PAG1: variants seen among roughly 807,000 people sequenced by gnomAD.
PAG1 encodes phosphoprotein associated with glycosphingolipid-enriched microdomains 1.
A neutral mutation model predicts 31.7 loss-of-function variants in PAG1; 23 were observed. That is an observed-to-expected ratio of 0.73 (90% confidence interval 0.52 to 1.03). The LOEUF is 1.03. Among genes scored for constraint, PAG1 ranks in the 50% least tolerant of loss-of-function variants. The pLI, the probability that PAG1 is intolerant of heterozygous loss-of-function variation, is 0.00. For synonymous variants in PAG1, 214 were observed against 210.3 expected (o/e 1.02, Z -0.15); for missense variants, 473 against 540.7 (o/e 0.87, Z 1.24).
chr8:81,041,194 C>T (rs1808548847), intron 2 of PAG1, among the ~76,000 whole-genome samples: 1 of 152,006 alleles, frequency 6.6e-6, no homozygotes, highest in Admixed American at 6.6e-5. Flanking sequence ...TGTGGAATCA[C>T]ATTTTTTTTT....
At chr8:80,998,077 T>G (rs966432623) in intron 3 of PAG1, among the ~76,000 whole-genome samples, 6 of 151,906 alleles carry the variant, frequency 3.9e-5, no homozygotes, top group Admixed American at 6.6e-5. Context: ...AATGCATAAG[T>G]GATTTAATCA....
At chr8:81,107,366 A>G (rs1809709133) in intron 1 of PAG1, among the ~76,000 whole-genome samples, 2 of 152,170 alleles carry the variant, frequency 1.3e-5, no homozygotes, top group African/African-American at 4.8e-5. Context: ...AGCATAATAT[A>G]GTCCATCTAT....
chr8:81,067,556 G>C (rs1809027790), intron 2 of PAG1: 1 of 152,212 alleles, frequency 6.6e-6, no homozygotes, highest in South Asian at 2.1e-4. Flanking sequence ...AAAAAATAAA[G>C]CTAACAGCTT....
At chr8:81,011,320 C>T (rs1270483942) in intron 3 of PAG1, among the ~76,000 whole-genome samples, 1 of 152,074 alleles carries the variant, frequency 6.6e-6, no homozygotes, top group Non-Finnish European at 1.5e-5. Context: ...GAGTGGTTTC[C>T]CCCATACTGT....
At chr8:81,001,810 C>T (rs1274547586) in intron 3 of PAG1, among the ~76,000 whole-genome samples, 4 of 152,174 alleles carry the variant, frequency 2.6e-5, no homozygotes. Context: ...CCCAGCACTT[C>T]CTCTTCTAAC....
intron 3 of PAG1, among the ~76,000 whole-genome samples, chr8:81,026,205 T>A (rs1444357266): frequency 1.3e-5 from 2 of 151,690 alleles, no homozygotes; most frequent in Non-Finnish European, 1.5e-5. Flanking sequence ...GTTTGTTAAA[T>A]AAAATAGTAT....
chr8:80,994,195 C>T (rs557845547), intron 3 of PAG1, among the ~76,000 whole-genome samples: 2 of 151,558 alleles, frequency 1.3e-5, no homozygotes, highest in African/African-American at 2.4e-5. Context: ...GTCAATGTAA[C>T]TAATGAAATA....
At chr8:81,017,107 A>C (rs1182674461) in intron 3 of PAG1, among the ~76,000 whole-genome samples, 1 of 152,210 alleles carries the variant, frequency 6.6e-6, no homozygotes, top group Non-Finnish European at 1.5e-5. Flanking sequence ...CAATCACAGA[A>C]TCAAGAGCTA....
Position 80,971,667 on chromosome 8 carries a change from G to A in PAG1, c.*4877C>T, listed in dbSNP as rs1807080427. On this transcript the variant is annotated 3_prime_UTR_variant, in exon 9 of 9. Transcript: ENST00000220597. The stretch of plus-strand genomic sequence containing the variant: ...AACAGAAATGATTACTGAATTGAAC[G>A]CTTTTTAAAAAATGTCTTTTAAGCA... The A allele has an allele frequency of 6.6e-6, 1 of 151,936 alleles. No homozygotes were observed. The highest frequency in any genetic ancestry group is 2.4e-5 in the African/African-American group (1 of 41,362). The allele number at this position is 151,936 out of a possible 1,614,324, so 9.4% of individuals were successfully genotyped here. A position where few individuals can be genotyped will look rare whatever the true frequency, so the allele number is the denominator to read the frequency against.
At chr8:81,073,531 C>T (rs749782231) in intron 1 of PAG1, among the ~76,000 whole-genome samples, 6 of 152,122 alleles carry the variant, frequency 3.9e-5, no homozygotes, top group African/African-American at 9.7e-5. Context: ...TCAAAAAGAC[C>T]GGGAGTGGCT....
chr8:80,996,685 G>A (rs569484389), intron 3 of PAG1, among the ~76,000 whole-genome samples: 1 of 152,304 alleles, frequency 6.6e-6, no homozygotes, highest in Admixed American at 6.5e-5. Context: ...GCAGCTGAGG[G>A]TAGAGGCCTC....
At chr8:81,039,365 G>C (rs1044909108) in intron 2 of PAG1, 1 of 152,162 alleles carries the variant, frequency 6.6e-6, no homozygotes, top group Non-Finnish European at 1.5e-5. Context: ...TAAAATGGGG[G>C]GATTTGGACA....
At chr8:81,030,729 T>C (rs1376024592) in intron 2 of PAG1, among the ~76,000 whole-genome samples, 1 of 152,202 alleles carries the variant, frequency 6.6e-6, no homozygotes, top group Non-Finnish European at 1.5e-5. Context: ...CAATCCTACC[T>C]GTTGTTCTGC....
intron 2 of PAG1, among the ~76,000 whole-genome samples, chr8:81,037,636 T>C (rs1808482876): frequency 2.6e-5 from 4 of 152,246 alleles, no homozygotes. Context: ...GTTGCTTTAG[T>C]GAATAGAAGA....
At chr8:81,017,955 G>A (rs1226758099) in intron 3 of PAG1, among the ~76,000 whole-genome samples, 3 of 152,164 alleles carry the variant, frequency 2.0e-5, no homozygotes, top group Non-Finnish European at 4.4e-5. Flanking sequence ...TAATTTTAAA[G>A]GCAGTCCTAA....
At chr8:81,056,112 A>G in intron 2 of PAG1, among the ~76,000 whole-genome samples, 1 of 152,168 alleles carries the variant, frequency 6.6e-6, no homozygotes, top group Non-Finnish European at 1.5e-5. Flanking sequence ...AATAGCTCTT[A>G]TTATTTTGAA....
chr8:81,061,679 C>G (rs1808919016), intron 2 of PAG1, among the ~76,000 whole-genome samples: 1 of 152,188 alleles, frequency 6.6e-6, no homozygotes, highest in Non-Finnish European at 1.5e-5. Context: ...GTGAACAAAA[C>G]AGATGGGGTC....
At chr8:80,998,276 C>T (rs1211136672) in intron 3 of PAG1, among the ~76,000 whole-genome samples, 1 of 151,660 alleles carries the variant, frequency 6.6e-6, no homozygotes, top group African/African-American at 2.4e-5. Context: ...ACTTCAGGCG[C>T]GCGCCACCAT....
At chr8:80,981,106 CTCTA>C (rs1240681586) in intron 7 of PAG1, among the ~76,000 whole-genome samples, 2 of 152,040 alleles carry the variant, frequency 1.3e-5, no homozygotes, top group Admixed American at 6.6e-5. Flanking sequence ...TGATTTTATG[CTCTA>C]TCTGTGTCCC....
Sources: gnomAD v4.1 joint callset for allele counts (sites outside exome capture counted in the v4.1 genomes callset) on GRCh38, gnomAD v4.1.1 for gene constraint, MANE v1.5 for transcripts, NCBI Gene and HGNC (gene_info 2026-07-23, HGNC 2026-07-21) for gene names.